The following MYO10 variants were observed in gnomAD, a reference collection of about 807,000 sequenced individuals.
The protein encoded by MYO10 is myosin X, also known as unconventional myosin-X.
In MYO10, 133 loss-of-function variants were observed where a neutral mutation model predicts 257.3. The ratio of observed to expected loss-of-function variants is 0.52; its 90% CI spans 0.45 to 0.60. MYO10 has a LOEUF of 0.60. MYO10 is among the 20% of genes least tolerant of loss of function. MYO10 has a pLI of 0.00. For missense variants in MYO10, 2,399 were observed against 2,635.7 expected, an observed-to-expected ratio of 0.91 and a Z score of 1.97; for synonymous variants, 1,104 against 1,028.6, an observed-to-expected ratio of 1.07 and a Z score of -1.40.
chr5:16,745,917 C>T (rs980438915), intron 19 of MYO10, among the ~76,000 whole-genome samples: 3 of 152,042 alleles, frequency 2.0e-5, no homozygotes, highest in African/African-American at 7.2e-5. Flanking sequence ...TGCTGTTGTT[C>T]TAAGAAAGAG....
chr5:16,845,370 A>G (rs31500), intron 2 of MYO10, among the ~76,000 whole-genome samples: 7,177 of 152,234 alleles, frequency 0.047, 545 homozygotes, highest in African/African-American at 0.17. Flanking sequence ...GGCGTGTTAA[A>G]AAAATGTCTT....
Position 16,890,399 on chromosome 5 carries a change from C to T in MYO10, c.22-12692G>A, listed in dbSNP as rs574159351. On this transcript the variant is annotated intron_variant, in intron 1 of 40. Transcript: ENST00000513610. ...CACTGCTAGGTAAATACCCCAGAGA[C>T]GTGAAAACATATGTCCACACGAAAA... 2.6e-5 allele frequency among the ~76,000 whole-genome samples: 4 copies of T among 151,876 alleles called. No homozygotes were observed. The South Asian group carries it at 8.3e-4, about 31-fold the overall frequency.
intron 19 of MYO10, among the ~76,000 whole-genome samples, chr5:16,739,825 A>G (rs1739946915): frequency 6.6e-6 from 1 of 152,222 alleles, no homozygotes; most frequent in Non-Finnish European, 1.5e-5. Flanking sequence ...TGGGTAACTA[A>G]TTTTTAAAAC....
chr5:16,863,193 C>T (rs1744154173), intron 2 of MYO10, among the ~76,000 whole-genome samples: 1 of 152,198 alleles, frequency 6.6e-6, no homozygotes, highest in Non-Finnish European at 1.5e-5. Context: ...ATTTGCTCTC[C>T]CTTGCAAAAT....
chr5:16,815,034 AC>A (rs1742562324), intron 3 of MYO10: 1 of 158,612 alleles, frequency 6.3e-6, no homozygotes, highest in South Asian at 2.1e-4. Flanking sequence ...ATGTACAATA[AC>A]AACTTGTGTC....
intron 2 of MYO10, among the ~76,000 whole-genome samples, chr5:16,859,169 C>A (rs1192443157): frequency 6.6e-6 from 1 of 152,192 alleles, no homozygotes; most frequent in African/African-American, 2.4e-5. Context: ...CTGTAACAAA[C>A]TACCACAGAC....
chr5:16,772,674 G>A (rs1422513951), intron 9 of MYO10, among the ~76,000 whole-genome samples: 2 of 152,078 alleles, frequency 1.3e-5, no homozygotes, highest in Admixed American at 1.3e-4. Context: ...TAATGTTGCT[G>A]GCAATAAATA....
rs139431707 is a variant in MYO10, at chr5:16,794,623, C to T, written c.467+23G>A. 689 of 1,584,216 alleles carry T rather than the reference C, an allele frequency of 4.3e-4. 2 individuals are homozygous for T. The highest frequency in any genetic ancestry group is 1.3e-3 in the South Asian group (112 of 85,642). ...GGGACTCCTGGGCCATGGGAAAGTC[C>T]GACTGGCTGTGAGCCCCGTTACCTG... On this transcript the variant is annotated intron_variant, in intron 4 of 40. Coordinates refer to ENST00000513610, the MANE Select transcript of MYO10 (RefSeq NM_012334.3).
intron 6 of MYO10, 92 bp from the exon 7 acceptor site, chr5:16,780,833 A>G (rs188346101): frequency 7.8e-7 from 1 of 1,285,764 alleles, no homozygotes; most frequent in East Asian, 2.5e-5. Flanking sequence ...TTGGTGCTCA[A>G]ATAATTACAG....
chr5:16,796,602 A>G (rs1741981280), intron 3 of MYO10, among the ~76,000 whole-genome samples: 1 of 152,196 alleles, frequency 6.6e-6, no homozygotes, highest in South Asian at 2.1e-4. Context: ...AGGAAATACT[A>G]ACTCTGATTA....
At chr5:16,914,242 C>T (rs1022170074) in intron 1 of MYO10, among the ~76,000 whole-genome samples, 2 of 152,214 alleles carry the variant, frequency 1.3e-5, no homozygotes, top group African/African-American at 4.8e-5. Flanking sequence ...TGAGTGCCCA[C>T]TGCCAGAGCC....
At chr5:16,762,144 A>T (rs1035009033) in intron 15 of MYO10, 31 bp from the exon 16 acceptor site, 27 of 1,301,820 alleles carry the variant, frequency 2.1e-5, no homozygotes, top group Non-Finnish European at 2.7e-5. Context: ...AAAAAAAAAA[A>T]TACAATGCCT....
intron 28 of MYO10, among the ~76,000 whole-genome samples, chr5:16,686,499 G>T (rs944524275): frequency 6.6e-6 from 1 of 151,762 alleles, no homozygotes; most frequent in African/African-American, 2.4e-5. Context: ...TACTCAACAT[G>T]TAATGGAGAG....
At chr5:16,768,274 T>G (rs1263385109) in intron 10 of MYO10, among the ~76,000 whole-genome samples, 2 of 152,226 alleles carry the variant, frequency 1.3e-5, no homozygotes, top group African/African-American at 2.4e-5. Context: ...TCATTTTATC[T>G]TGACAGCAAA....
intron 2 of MYO10, among the ~76,000 whole-genome samples, chr5:16,843,027 T>C (rs1743530332): frequency 1.3e-5 from 2 of 152,028 alleles, no homozygotes; most frequent in South Asian, 4.2e-4. Context: ...CTGTCAGGAC[T>C]CATTTCCTTG....
At chr5:16,740,246 C>T (rs760265807) in intron 19 of MYO10, among the ~76,000 whole-genome samples, 24 of 152,020 alleles carry the variant, frequency 1.6e-4, no homozygotes, top group Non-Finnish European at 3.5e-4. Context: ...CCTTTGTAGC[C>T]GCTGGGGGAG....
At chr5:16,924,218 G>A (rs1481420589) in intron 1 of MYO10, among the ~76,000 whole-genome samples, 1 of 152,170 alleles carries the variant, frequency 6.6e-6, no homozygotes, top group Non-Finnish European at 1.5e-5. Context: ...CACGCTGGGG[G>A]GTGAGATGAA....
At chr5:16,875,974 G>T (rs1194856265) in intron 2 of MYO10, among the ~76,000 whole-genome samples, 3 of 152,108 alleles carry the variant, frequency 2.0e-5, no homozygotes, top group Admixed American at 2.0e-4. Flanking sequence ...TTAGTTGGGT[G>T]TGGTGGCAGG....
chr5:16,723,085 A>C (rs1410265617), intron 19 of MYO10, among the ~76,000 whole-genome samples: 1 of 152,182 alleles, frequency 6.6e-6, no homozygotes, highest in African/African-American at 2.4e-5. Context: ...GGGAATTACA[A>C]ATTAAAACAG....
Sources: allele counts gnomAD v4.1 joint callset (sites outside exome capture counted in the v4.1 genomes callset), GRCh38; gene constraint gnomAD v4.1.1; transcripts MANE v1.5; gene names NCBI Gene and HGNC (gene_info 2026-07-23, HGNC 2026-07-21).